Variants in OXR1 observed in about 807,000 individuals in gnomAD.
OXR1 encodes the protein oxidation resistance 1, also known as oxidation resistance protein 1.
Under a neutral mutation model 104.6 loss-of-function variants are expected in OXR1, and 41 were observed. That is an observed-to-expected ratio of 0.39 (90% CI 0.31 to 0.51). OXR1 has a LOEUF of 0.51. OXR1 is among the 20% of genes least tolerant of loss of function. OXR1 has a pLI of 0.77. For missense variants in OXR1, 955 were observed against 1,031.9 expected (o/e 0.93, Z 1.02); for synonymous variants, 348 against 348.4 (o/e 1.00, Z 0.01).
At chr8:106,529,635 C>A (rs1368822702) in intron 3 of OXR1, among the ~76,000 whole-genome samples, 1 of 151,962 alleles carries the variant, frequency 6.6e-6, no homozygotes, top group Non-Finnish European at 1.5e-5. Context: ...TTCTTTTTTG[C>A]CCTGATTCTG....
At chr8:106,487,538 G>C (rs1461297290) in intron 2 of OXR1, among the ~76,000 whole-genome samples, 1 of 151,470 alleles carries the variant, frequency 6.6e-6, no homozygotes, top group Non-Finnish European at 1.5e-5. Context: ...TCGTCATCTA[G>C]CATTAGGTAT....
chr8:106,612,051 T>C (rs1239642789), intron 3 of OXR1, among the ~76,000 whole-genome samples: 1 of 152,150 alleles, frequency 6.6e-6, no homozygotes, highest in Admixed American at 6.5e-5. Flanking sequence ...CTTTGCATTT[T>C]CTTTTCTTGT....
intron 3 of OXR1, among the ~76,000 whole-genome samples, chr8:106,539,433 T>C (rs1040025431): frequency 6.6e-6 from 1 of 152,226 alleles, no homozygotes; most frequent in Non-Finnish European, 1.5e-5. Context: ...CAGTAAAAAC[T>C]AAATACGACT....
At chr8:106,374,432 C>T (rs16874457) in intron 2 of OXR1, among the ~76,000 whole-genome samples, 21,857 of 152,098 alleles carry the variant, frequency 0.14, 3,207 homozygotes, top group African/African-American at 0.38. Flanking sequence ...TGTTCAATAC[C>T]ATCTAACTTG....
intron 2 of OXR1, among the ~76,000 whole-genome samples, chr8:106,493,185 A>G (rs1382630358): frequency 6.6e-6 from 1 of 152,170 alleles, no homozygotes; most frequent in African/African-American, 2.4e-5. Context: ...GCAATGTTGC[A>G]ACTATATTAC....
chr8:106,477,633 T>C (rs936844952), intron 2 of OXR1, among the ~76,000 whole-genome samples: 1 of 151,978 alleles, frequency 6.6e-6, no homozygotes, highest in Non-Finnish European at 1.5e-5. Flanking sequence ...TTTATTTTTT[T>C]CAATATTTCT....
intron 12 of OXR1, 27 bp downstream of exon 12, chr8:106,737,627 TC>T: frequency 2.0e-6 from 2 of 986,528 alleles, no homozygotes; most frequent in Non-Finnish European, 2.8e-6. Flanking sequence ...TTTAAACCCC[TC>T]CAGAGACTAA....
At chr8:106,362,467 A>G (rs746493419) in intron 2 of OXR1, among the ~76,000 whole-genome samples, 1 of 152,202 alleles carries the variant, frequency 6.6e-6, no homozygotes, top group Non-Finnish European at 1.5e-5. Context: ...TTATACATTA[A>G]AGAAACTTCT....
chr8:106,484,267 G>A (rs1822311974), intron 2 of OXR1, among the ~76,000 whole-genome samples: 1 of 151,934 alleles, frequency 6.6e-6, no homozygotes, highest in Non-Finnish European at 1.5e-5. Context: ...AACAATTATT[G>A]TTTATTTCAA....
intron 3 of OXR1, among the ~76,000 whole-genome samples, chr8:106,556,117 G>T (rs970611503): frequency 6.6e-6 from 1 of 151,934 alleles, no homozygotes; most frequent in South Asian, 2.1e-4. Flanking sequence ...GAGACAGAAT[G>T]CATATTGATG....
intron 3 of OXR1, among the ~76,000 whole-genome samples, chr8:106,647,491 C>T (rs1167724956): frequency 2.6e-5 from 4 of 152,050 alleles, no homozygotes; most frequent in South Asian, 2.1e-4. Flanking sequence ...AAAAAACACA[C>T]AAATGCTTTA....
intron 1 of OXR1, among the ~76,000 whole-genome samples, chr8:106,274,778 A>G (rs978663952): frequency 1.3e-5 from 2 of 152,162 alleles, no homozygotes; most frequent in African/African-American, 4.8e-5. Flanking sequence ...GGTTTGTTCA[A>G]TTGCATATTC....
At chr8:106,307,359 A>G (rs534252555) in intron 1 of OXR1, among the ~76,000 whole-genome samples, 2 of 152,230 alleles carry the variant, frequency 1.3e-5, no homozygotes, top group Non-Finnish European at 2.9e-5. Flanking sequence ...TCAATCCTTC[A>G]TGGTCTGGCG....
intron 1 of OXR1, among the ~76,000 whole-genome samples, chr8:106,331,148 C>A (rs1299612054): frequency 6.6e-6 from 1 of 152,124 alleles, no homozygotes; most frequent in Non-Finnish European, 1.5e-5. Context: ...TGTATGAACA[C>A]AAAACTATTT....
intron 3 of OXR1, among the ~76,000 whole-genome samples, chr8:106,653,589 T>C (rs1014123153): frequency 6.6e-6 from 1 of 151,974 alleles, no homozygotes; most frequent in African/African-American, 2.4e-5. Context: ...AATAGAATGG[T>C]GCTTCCTAAA....
chr8:106,752,534 TGTAAA>T lies in OXR1; in HGVS notation c.*1594_*1598del, dbSNP rs1301886766. The T allele has an allele frequency of 2.0e-5, 3 of 152,528 alleles. No individual in the cohort carries two copies. Among genetic ancestry groups the T allele is most frequent in the Admixed American group, 6.5e-5 (1 of 15,278 alleles). 9.4% of individuals were successfully genotyped at this position (152,528 alleles called of 1,614,324 possible). The stretch of plus-strand genomic sequence containing the variant: ...ATTAAATGTTTACAATATAGGGAAT[TGTAAA>T]TAAATATATCAGTTTTTTTCCCCTT... On this transcript the variant is annotated 3_prime_UTR_variant, in exon 17 of 17. Coordinates refer to ENST00000517566, the MANE Select transcript of OXR1 (RefSeq NM_001198533.2).
chr8:106,330,779 T>C (rs1478120771), intron 1 of OXR1, among the ~76,000 whole-genome samples: 1 of 152,208 alleles, frequency 6.6e-6, no homozygotes, highest in Non-Finnish European at 1.5e-5. Flanking sequence ...CTACTGGCCC[T>C]TTCATTTTCA....
At chr8:106,743,933 T>A (rs1835162225) in intron 15 of OXR1, among the ~76,000 whole-genome samples, 1 of 152,136 alleles carries the variant, frequency 6.6e-6, no homozygotes, top group Non-Finnish European at 1.5e-5. Flanking sequence ...TGCAAACTAA[T>A]GCAGGAACAG....
chr8:106,274,267 A>G (rs934437007), intron 1 of OXR1, among the ~76,000 whole-genome samples: 10 of 152,332 alleles, frequency 6.6e-5, no homozygotes, highest in Admixed American at 5.2e-4. Context: ...AATACCTTAC[A>G]CTCATAAATG....
Sources: gnomAD v4.1 joint callset for allele counts (sites outside exome capture counted in the v4.1 genomes callset) on GRCh38, gnomAD v4.1.1 for gene constraint, MANE v1.5 for transcripts, NCBI Gene and HGNC (gene_info 2026-07-23, HGNC 2026-07-21) for gene names.